The following SDCCAG8 variants were observed in gnomAD, a reference collection of about 807,000 sequenced individuals.
SDCCAG8 encodes the protein SHH signaling and ciliogenesis regulator SDCCAG8, also known as serologically defined colon cancer antigen 8.
SDCCAG8 carries 74 observed loss-of-function variants against 101.8 expected under a neutral mutation model. The ratio of observed to expected loss-of-function variants is 0.73; its 90% CI spans 0.60 to 0.88. SDCCAG8 has a LOEUF of 0.88. SDCCAG8 is among the 40% of genes least tolerant of loss of function. The pLI is 0.00. For synonymous variants in SDCCAG8, 281 were observed against 292.9 expected (o/e 0.96, Z 0.41); for missense variants, 787 against 822.6 (o/e 0.96, Z 0.53).
At chr1:243,359,377 T>C (rs2076564851) in intron 12 of SDCCAG8, among the ~76,000 whole-genome samples, 2 of 152,256 alleles carry the variant, frequency 1.3e-5, no homozygotes, top group South Asian at 4.1e-4. Flanking sequence ...GTGAATGTAC[T>C]AAAAACTATT....
intron 12 of SDCCAG8, among the ~76,000 whole-genome samples, chr1:243,356,964 T>C (rs1469291805): frequency 6.6e-6 from 1 of 152,106 alleles, no homozygotes; most frequent in Admixed American, 6.5e-5. Flanking sequence ...TGCACTGCAC[T>C]GCAGCCTGGG....
At chr1:243,282,048 A>G (rs1477734634) in intron 4 of SDCCAG8, among the ~76,000 whole-genome samples, 1 of 152,090 alleles carries the variant, frequency 6.6e-6, no homozygotes, top group Non-Finnish European at 1.5e-5. Flanking sequence ...CAGTGACTCC[A>G]TCTTGGCCCA....
intron 13 of SDCCAG8, among the ~76,000 whole-genome samples, chr1:243,399,849 A>T (rs1205241806): frequency 6.6e-6 from 1 of 151,982 alleles, no homozygotes; most frequent in Non-Finnish European, 1.5e-5. Context: ...AGTAAAGATA[A>T]CCTCCCGCAT....
chr1:243,270,889 G>A (rs917402817), intron 2 of SDCCAG8, 89 bp from the exon 3 acceptor site: 5 of 910,966 alleles, frequency 5.5e-6, no homozygotes, highest in South Asian at 1.3e-5. Context: ...TAATATATCA[G>A]CAATTTTTAT....
chr1:243,342,816 A>G (rs934168847), intron 11 of SDCCAG8, among the ~76,000 whole-genome samples: 2 of 152,206 alleles, frequency 1.3e-5, no homozygotes, highest in Admixed American at 6.5e-5. Context: ...TGAACTTCCA[A>G]TAGAATTTTT....
intron 6 of SDCCAG8, among the ~76,000 whole-genome samples, chr1:243,294,482 G>GGAGAGAGAGAGAGAGAAAGAGAGAGAGA (rs1558248017): frequency 1.0e-5 from 1 of 99,954 alleles, no homozygotes. Flanking sequence ...GTGGGGGGGG[G>GGAGAGAGAGAGAGAGAAAGAGAGAGAGA]GAGAGAGAGA....
intron 13 of SDCCAG8, among the ~76,000 whole-genome samples, chr1:243,410,118 C>A (rs2080068447): frequency 6.6e-6 from 1 of 152,164 alleles, no homozygotes; most frequent in South Asian, 2.1e-4. Context: ...CTTGTACCAG[C>A]CCATGAGAGC....
chr1:243,282,593 G>C (rs528926784), intron 4 of SDCCAG8, among the ~76,000 whole-genome samples: 1 of 151,992 alleles, frequency 6.6e-6, no homozygotes, highest in Admixed American at 6.6e-5. Flanking sequence ...TTCTTGCAAG[G>C]CATATATGCT....
rs1558382259 is a variant in SDCCAG8 at position 243,378,701 on chromosome 1, T to TC, written c.1474-16dup. ...GCATGTATTTTATATGGATGCTTTT[T>TC]CCCCTTCTCTCTACCTAAGGAAATA... On this transcript the variant is annotated intron_variant, in intron 12 of 17. Coordinates refer to ENST00000366541, the MANE Select transcript of SDCCAG8 (RefSeq NM_006642.5). The TC allele has an allele frequency of 6.2e-7, 1 of 1,613,368 alleles. No homozygotes were observed. The highest frequency in any genetic ancestry group is 1.1e-5 in the South Asian group (1 of 91,068).
At chr1:243,295,340 C>T (rs373765710) in intron 6 of SDCCAG8, among the ~76,000 whole-genome samples, 6 of 152,062 alleles carry the variant, frequency 3.9e-5, no homozygotes, top group African/African-American at 7.3e-5. Context: ...CGGGTGCAAG[C>T]GATTCTCCTG....
intron 16 of SDCCAG8, among the ~76,000 whole-genome samples, chr1:243,454,268 T>G (rs1300057379): frequency 6.6e-6 from 1 of 152,140 alleles, no homozygotes; most frequent in Non-Finnish European, 1.5e-5. Context: ...CCGTGCAAGA[T>G]GAATTATTAG....
chr1:243,453,182 G>C lies in SDCCAG8; in HGVS notation c.1985+26624G>C, dbSNP rs1371943943. ...TGATCAACAGTATTCTAGGACTTTG[G>C]GAATTCAGACTGGGGATCACAAAAT... is the stretch of plus-strand genomic sequence containing the variant. On this transcript the variant is annotated intron_variant, in intron 16 of 17. Transcript: ENST00000366541. 7.9e-5 allele frequency among the ~76,000 whole-genome samples: 12 copies of C among 152,164 alleles called. 1 individual carries two copies.
chr1:243,382,222 G>A (rs1486357723), intron 13 of SDCCAG8, among the ~76,000 whole-genome samples: 3 of 152,134 alleles, frequency 2.0e-5, no homozygotes, highest in Non-Finnish European at 4.4e-5. Context: ...TTAGGCAGGA[G>A]CGTCAACATG....
chr1:243,492,604 GTTTTTTTTTTTT>G (rs74162289), intron 17 of SDCCAG8, among the ~76,000 whole-genome samples: 1 of 58,866 alleles, frequency 1.7e-5, no homozygotes, highest in African/African-American at 6.9e-5. Flanking sequence ...GCGCCCAGCT[GTTTTTTTTTTTT>G]TTTTTTTTTT....
At chr1:243,354,030 A>G (rs550099944) in intron 12 of SDCCAG8, among the ~76,000 whole-genome samples, 1 of 152,358 alleles carries the variant, frequency 6.6e-6, no homozygotes, top group East Asian at 1.9e-4. Flanking sequence ...GGTGAAACAC[A>G]GATCATACAG....
chr1:243,396,785 G>A (rs1312789216), intron 13 of SDCCAG8, among the ~76,000 whole-genome samples: 1 of 152,174 alleles, frequency 6.6e-6, no homozygotes, highest in African/African-American at 2.4e-5. Context: ...AAAACACCAT[G>A]TCTTACTACT....
intron 9 of SDCCAG8, among the ~76,000 whole-genome samples, chr1:243,327,458 A>T (rs1401828759): frequency 6.8e-6 from 1 of 147,696 alleles, no homozygotes; most frequent in East Asian, 1.9e-4. Flanking sequence ...GTAGAAATTA[A>T]AATTATAATT....
chr1:243,484,861 T>C (rs1047699885), intron 16 of SDCCAG8, among the ~76,000 whole-genome samples: 102 of 152,150 alleles, frequency 6.7e-4, no homozygotes, highest in African/African-American at 2.3e-3. Context: ...CTGGCCAACA[T>C]CGTGAAACCC....
chr1:243,483,276 C>T (rs568014852), intron 16 of SDCCAG8, among the ~76,000 whole-genome samples: 3 of 152,218 alleles, frequency 2.0e-5, no homozygotes, highest in African/African-American at 7.2e-5. Flanking sequence ...TGCCTCCCGC[C>T]GGCGCCCTCG....
Sources: allele counts gnomAD v4.1 joint callset (sites outside exome capture counted in the v4.1 genomes callset), GRCh38; gene constraint gnomAD v4.1.1; transcripts MANE v1.5; gene names NCBI Gene and HGNC (gene_info 2026-07-23, HGNC 2026-07-21).